The following GSK3B variants were observed in gnomAD, a reference collection of about 807,000 sequenced individuals.
GSK3B encodes the protein glycogen synthase kinase 3 beta, also known as glycogen synthase kinase-3 beta.
Under a neutral mutation model 56.4 loss-of-function variants are expected in GSK3B, and 15 were observed. The observed-to-expected ratio is 0.27, with a 90% confidence interval of 0.18 to 0.41. The LOEUF (loss-of-function observed/expected upper bound fraction) is 0.41. GSK3B is among the 10% of genes least tolerant of loss of function. GSK3B has a pLI of 1.00. For synonymous variants in GSK3B, 181 were observed against 188.9 expected (o/e 0.96, Z 0.34); for missense variants, 300 against 513.4 (o/e 0.58, Z 4.02).
chr3:119,902,912 G>T (rs951263288), intron 7 of GSK3B, among the ~76,000 whole-genome samples: 1 of 150,982 alleles, frequency 6.6e-6, no homozygotes, highest in Non-Finnish European at 1.5e-5. Flanking sequence ...ACTGGGTTTC[G>T]CCATGTTCCC....
At chr3:119,911,833 A>C (rs964799568) in intron 6 of GSK3B, among the ~76,000 whole-genome samples, 5 of 152,140 alleles carry the variant, frequency 3.3e-5, no homozygotes, top group Non-Finnish European at 7.4e-5. Context: ...CACAGAATTG[A>C]AGGGAGTTCA....
intron 9 of GSK3B, among the ~76,000 whole-genome samples, chr3:119,855,279 A>C (rs2056002200): frequency 6.6e-6 from 1 of 152,232 alleles, no homozygotes. Flanking sequence ...CCACAAGGAG[A>C]TACCATCTCA....
intron 7 of GSK3B, among the ~76,000 whole-genome samples, chr3:119,884,613 T>C (rs2056414312): frequency 2.6e-5 from 4 of 152,224 alleles, no homozygotes; most frequent in Non-Finnish European, 5.9e-5. Flanking sequence ...CCTAAAATGG[T>C]CTATCCAATG....
intron 8 of GSK3B, among the ~76,000 whole-genome samples, chr3:119,876,092 A>AG (rs1559818549): frequency 2.6e-5 from 4 of 152,274 alleles, no homozygotes; most frequent in South Asian, 4.1e-4. Flanking sequence ...ATACACCTCT[A>AG]TGTAAATAAA....
intron 2 of GSK3B, among the ~76,000 whole-genome samples, chr3:119,997,420 T>C (rs951852503): frequency 3.3e-5 from 5 of 152,160 alleles, no homozygotes; most frequent in African/African-American, 1.2e-4. Flanking sequence ...TTACTACACA[T>C]ATCTAGATTA....
intron 1 of GSK3B, among the ~76,000 whole-genome samples, chr3:120,086,699 G>A (rs949457236): frequency 2.6e-5 from 4 of 151,906 alleles, no homozygotes; most frequent in African/African-American, 9.7e-5. Context: ...AGAGGTTGAG[G>A]TTAAAAGATC....
At chr3:119,861,914 A>G (rs938873788) in intron 9 of GSK3B, among the ~76,000 whole-genome samples, 28 of 152,212 alleles carry the variant, frequency 1.8e-4, no homozygotes, top group African/African-American at 5.3e-4. Context: ...TGATACTCAC[A>G]GAATCACATA....
At chr3:119,849,558 T>C (rs1471826603) in intron 9 of GSK3B, among the ~76,000 whole-genome samples, 1 of 152,242 alleles carries the variant, frequency 6.6e-6, no homozygotes, top group Admixed American at 6.5e-5. Context: ...CTGTCCATTT[T>C]CTCCCATATA....
At chr3:119,966,169 T>G (rs1244199967) in intron 2 of GSK3B, among the ~76,000 whole-genome samples, 2 of 152,206 alleles carry the variant, frequency 1.3e-5, no homozygotes, top group Admixed American at 6.5e-5. Flanking sequence ...CAACCTGAGT[T>G]GGCCAGCCTT....
At chr3:120,023,645 T>G (rs2057898466) in intron 1 of GSK3B, among the ~76,000 whole-genome samples, 1 of 152,170 alleles carries the variant, frequency 6.6e-6, no homozygotes, top group African/African-American at 2.4e-5. Context: ...TTCCCTTATC[T>G]TAAGACCCTC....
At chr3:119,917,231 A>G (rs189117365) in intron 4 of GSK3B, among the ~76,000 whole-genome samples, 1 of 152,352 alleles carries the variant, frequency 6.6e-6, no homozygotes, top group African/African-American at 2.4e-5. Context: ...AATTAAAGTT[A>G]ACATGAAACC....
chr3:120,009,699 G>A (rs1266371716), intron 1 of GSK3B, among the ~76,000 whole-genome samples: 2 of 152,070 alleles, frequency 1.3e-5, no homozygotes, highest in African/African-American at 4.8e-5. Flanking sequence ...GGGGGTGGGG[G>A]GCTAGGGGAG....
intron 1 of GSK3B, among the ~76,000 whole-genome samples, chr3:120,046,204 A>G (rs1180589939): frequency 6.6e-6 from 1 of 152,194 alleles, no homozygotes; most frequent in East Asian, 1.9e-4. Flanking sequence ...GACATTATGC[A>G]TTTGTCAATA....
At chr3:119,987,603 A>G (rs1010887656) in intron 2 of GSK3B, among the ~76,000 whole-genome samples, 2 of 152,214 alleles carry the variant, frequency 1.3e-5, no homozygotes, top group South Asian at 4.1e-4. Flanking sequence ...AAACAAAAGC[A>G]CAATGGGTTT....
intron 1 of GSK3B, among the ~76,000 whole-genome samples, chr3:120,081,338 G>A (rs961365486): frequency 1.3e-5 from 2 of 151,726 alleles, no homozygotes; most frequent in Non-Finnish European, 2.9e-5. Context: ...CACAAGATCA[G>A]GAGATAGAGA....
rs200882593 is a variant in GSK3B, at chr3:119,905,850, C to T, written c.718G>A (p.Val240Ile). The stretch of plus-strand genomic sequence containing the variant: ...GCCAACACACAGCCAGCAGACCATA[C>T]ATCTAAAGAGAAAAGAAAACGAAGC... ...GATDYTSSID[V>I]WSAGCVLAEL... The change falls in exon 7 of 11, where the codon GTA becomes ATA. Residue 240 changes from valine to isoleucine, a missense_variant and splice_region_variant. This residue lies in a region of GSK3B where 39 missense variants were observed against 154.6 expected (regional missense o/e 0.25). Coordinates refer to ENST00000264235, the MANE Select transcript of GSK3B (RefSeq NM_001146156.2). 4 of 1,566,792 alleles carry T rather than the reference C, an allele frequency of 2.6e-6. No individual in the cohort carries two copies. In the African/African-American group the frequency reaches 4.1e-5, roughly 16 times the overall value.
chr3:119,873,085 A>C (rs1343872464), intron 8 of GSK3B, among the ~76,000 whole-genome samples: 1 of 152,148 alleles, frequency 6.6e-6, no homozygotes, highest in Non-Finnish European at 1.5e-5. Context: ...TCAGAATATT[A>C]GCACCTATTT....
chr3:120,014,823 G>A (rs908140516), intron 1 of GSK3B, among the ~76,000 whole-genome samples: 2 of 152,160 alleles, frequency 1.3e-5, no homozygotes, highest in Admixed American at 6.5e-5. Flanking sequence ...TTCCGGAGAT[G>A]TTTACTTGTT....
intron 7 of GSK3B, among the ~76,000 whole-genome samples, chr3:119,884,208 G>T (rs539422527): frequency 6.6e-6 from 1 of 152,124 alleles, no homozygotes; most frequent in African/African-American, 2.4e-5. Flanking sequence ...ACACTTAAAC[G>T]ACAGAGAAGT....
Sources: allele counts gnomAD v4.1 joint callset (sites outside exome capture counted in the v4.1 genomes callset), GRCh38; gene constraint gnomAD v4.1.1; regional missense constraint gnomAD v4.1.1; transcripts MANE v1.5; gene names NCBI Gene and HGNC (gene_info 2026-07-23, HGNC 2026-07-21).